Variants in FAF1 observed in about 807,000 individuals in gnomAD.
FAF1 encodes the protein FAS-associated factor 1.
FAF1 carries 25 observed loss-of-function variants against 92.5 expected under a neutral mutation model. The observed-to-expected ratio is 0.27, with a 90% CI of 0.20 to 0.38. The LOEUF (loss-of-function observed/expected upper bound fraction) is 0.38, where lower values mean the gene tolerates loss of function less well. Ranked by LOEUF, FAF1 falls within the 10% of genes least tolerant of loss-of-function variation. The pLI, the probability that FAF1 is intolerant of heterozygous loss-of-function variation, is 1.00. For synonymous variants in FAF1, 234 were observed against 273.2 expected, an observed-to-expected ratio of 0.86 and a Z score of 1.42; for missense variants, 636 against 793.3, an observed-to-expected ratio of 0.80 and a Z score of 2.38.
At chr1:50,863,865 T>C (rs902226578) in intron 1 of FAF1, among the ~76,000 whole-genome samples, 1 of 152,116 alleles carries the variant, frequency 6.6e-6, no homozygotes, top group East Asian at 1.9e-4. Context: ...CTACTGATTA[T>C]TGCCACAATT....
intron 2 of FAF1, among the ~76,000 whole-genome samples, chr1:50,821,029 C>T (rs1038006586): frequency 5.3e-5 from 8 of 152,160 alleles, no homozygotes; most frequent in African/African-American, 9.7e-5. Flanking sequence ...TTTGCCATTA[C>T]TTTCAATGGC....
rs971668384 is a variant in FAF1 at position 50,474,779 on chromosome 1, TAA to T, written c.1869+683_1869+684del. 4.6e-5 allele frequency among the ~76,000 whole-genome samples: 7 copies of T among 152,348 alleles called. No individual in the cohort carries two copies. The South Asian group carries it at 1.4e-3, about 32-fold the overall frequency. ...TATTTTTCATAATCTATAAATCTGA[TAA>T]AGTCTTCATTTAGGTTGCCAACAAA... On this transcript the variant is annotated intron_variant, in intron 18 of 18. Transcript: ENST00000396153.
chr1:50,472,284 T>A (rs1414637368), intron 18 of FAF1, among the ~76,000 whole-genome samples: 1 of 151,840 alleles, frequency 6.6e-6, no homozygotes, highest in Non-Finnish European at 1.5e-5. Context: ...TACATACGGC[T>A]CTAACATGTC....
chr1:50,511,557 C>A lies in FAF1; in HGVS notation c.1495-19756G>T, dbSNP rs1191656256. 2.0e-5 allele frequency among the ~76,000 whole-genome samples: 3 copies of A among 152,240 alleles called. 1 individual carries two copies. Among genetic ancestry groups the A allele is most frequent in the South Asian group, 4.1e-4 (2 of 4,822 alleles). On this transcript the variant is annotated intron_variant, in intron 15 of 18. Transcript: ENST00000396153. ...ATGATGGCTTCCAGCTTCATCCATG[C>A]CCCTGAAAAGGACACGAACTCATCC...
At chr1:50,732,934 ATATT>A (rs1658991362) in intron 6 of FAF1, among the ~76,000 whole-genome samples, 1 of 149,918 alleles carries the variant, frequency 6.7e-6, no homozygotes, top group Non-Finnish European at 1.5e-5. Context: ...TATAACACTT[ATATT>A]TAGATTTATG....
At chr1:50,545,798 A>G (rs1648985617) in intron 13 of FAF1, among the ~76,000 whole-genome samples, 2 of 152,178 alleles carry the variant, frequency 1.3e-5, no homozygotes, top group South Asian at 4.1e-4. Context: ...CTATAGATAT[A>G]TTTTCATGTG....
chr1:50,735,377 G>C (rs1023325610), intron 6 of FAF1, among the ~76,000 whole-genome samples: 1 of 152,158 alleles, frequency 6.6e-6, no homozygotes, highest in African/African-American at 2.4e-5. Flanking sequence ...CAAAGATTAT[G>C]ATTAAGAGTT....
At chr1:50,519,370 A>AGGGAGGGAGGGAGGGAGGGAG (rs1557978753) in intron 15 of FAF1, among the ~76,000 whole-genome samples, 1 of 99,538 alleles carries the variant, frequency 1.0e-5, no homozygotes, top group African/African-American at 4.6e-5. Flanking sequence ...GAAGGAAGGA[A>AGGGAGGGAGGGAGGGAGGGAG]GGAGGGAGGG....
intron 1 of FAF1, among the ~76,000 whole-genome samples, chr1:50,953,558 C>T (rs1274581194): frequency 2.0e-5 from 3 of 151,782 alleles, no homozygotes; most frequent in African/African-American, 4.8e-5. Context: ...GCCAAGATGG[C>T]GAAACCCCAT....
intron 1 of FAF1, among the ~76,000 whole-genome samples, chr1:50,873,574 C>A (rs1376685371): frequency 1.3e-5 from 2 of 152,202 alleles, no homozygotes; most frequent in East Asian, 1.9e-4. Context: ...CCTCTAGTGA[C>A]ACTCATTGTT....
chr1:50,823,241 G>A (rs990569160), intron 2 of FAF1, among the ~76,000 whole-genome samples: 7 of 152,170 alleles, frequency 4.6e-5, no homozygotes, highest in Admixed American at 6.5e-5. Flanking sequence ...GAATATAGCT[G>A]CCTACATTTT....
intron 7 of FAF1, among the ~76,000 whole-genome samples, chr1:50,668,555 T>C (rs955685163): frequency 6.6e-6 from 1 of 152,212 alleles, no homozygotes; most frequent in Non-Finnish European, 1.5e-5. Flanking sequence ...TAGTTAAGTT[T>C]AGGTGAATAC....
At chr1:50,620,163 T>C (rs1186311042) in intron 8 of FAF1, among the ~76,000 whole-genome samples, 3 of 152,208 alleles carry the variant, frequency 2.0e-5, no homozygotes, top group Non-Finnish European at 4.4e-5. Context: ...CGCCTCGGCC[T>C]CCCAAAATGC....
intron 12 of FAF1, among the ~76,000 whole-genome samples, chr1:50,573,554 T>C (rs1326461482): frequency 6.6e-6 from 1 of 151,924 alleles, no homozygotes; most frequent in African/African-American, 2.4e-5. Flanking sequence ...AACACCAGAG[T>C]GCAGGTTGTA....
chr1:50,563,870 C>T (rs2149054392), intron 13 of FAF1, among the ~76,000 whole-genome samples: 1 of 152,188 alleles, frequency 6.6e-6, no homozygotes, highest in African/African-American at 2.4e-5. Context: ...CTAAGTATTC[C>T]ACTAAGAAAG....
At chr1:50,943,015 A>C (rs757261141) in intron 1 of FAF1, among the ~76,000 whole-genome samples, 1 of 152,160 alleles carries the variant, frequency 6.6e-6, no homozygotes, top group Non-Finnish European at 1.5e-5. Flanking sequence ...ATCCTTGAGA[A>C]GAAAATCTAG....
intron 15 of FAF1, among the ~76,000 whole-genome samples, chr1:50,498,625 G>A (rs1215579047): frequency 6.6e-6 from 1 of 152,162 alleles, no homozygotes; most frequent in African/African-American, 2.4e-5. Context: ...CAAGGTGGGT[G>A]GATCACCTGA....
At chr1:50,652,581 C>T (rs10788930) in intron 8 of FAF1, among the ~76,000 whole-genome samples, 28,776 of 152,106 alleles carry the variant, frequency 0.19, 3,149 homozygotes, top group African/African-American at 0.3. Context: ...AACAAGACAA[C>T]TATTTTTGCT....
At chr1:50,638,543 C>T (rs996301529) in intron 8 of FAF1, among the ~76,000 whole-genome samples, 1 of 149,462 alleles carries the variant, frequency 6.7e-6, no homozygotes, top group Non-Finnish European at 1.5e-5. Flanking sequence ...CTCATGGGTT[C>T]AAGCAATTCT....
Sources: allele counts gnomAD v4.1 joint callset (sites outside exome capture counted in the v4.1 genomes callset), GRCh38; gene constraint gnomAD v4.1.1; transcripts MANE v1.5; gene names NCBI Gene and HGNC (gene_info 2026-07-23, HGNC 2026-07-21).